The following SH3BGRL2 variants were observed in gnomAD, a reference collection of about 807,000 sequenced individuals.
SH3BGRL2 encodes the protein SH3 domain-binding glutamic acid-rich-like protein 2.
In SH3BGRL2, 21 loss-of-function variants were observed where a neutral mutation model predicts 14.8. That is an observed-to-expected ratio of 1.42 (90% CI 1.01 to 2.05). SH3BGRL2 has a LOEUF of 2.05. Ranked by LOEUF, SH3BGRL2 falls within the 30% of genes most tolerant of loss-of-function variation. The pLI is 0.00. For synonymous variants in SH3BGRL2, 50 were observed against 47.8 expected, an observed-to-expected ratio of 1.05 and a Z score of -0.19; for missense variants, 147 against 130.8, an observed-to-expected ratio of 1.12 and a Z score of -0.61.
At chr6:79,610,133 TTAC>T in the SH3BGRL2 span, among the ~76,000 whole-genome samples, 1 of 152,226 alleles carries the variant, frequency 6.6e-6, no homozygotes, top group Non-Finnish European at 1.5e-5. Flanking sequence ...AGGCACACTA[TTAC>T]TATCCTATTT....
chr6:79,633,844 C>G (rs926331916), intron 1 of SH3BGRL2, among the ~76,000 whole-genome samples: 1 of 152,052 alleles, frequency 6.6e-6, no homozygotes, highest in South Asian at 2.1e-4. Context: ...TTCTAAGAAC[C>G]AGTGAGGATA....
chr6:79,563,301 C>CG, the SH3BGRL2 span, among the ~76,000 whole-genome samples: 3 of 151,096 alleles, frequency 2.0e-5, no homozygotes, highest in Non-Finnish European at 4.4e-5. Context: ...TTAATAGAGA[C>CG]GGGGTTTCAC....
At chr6:79,662,712 G>C (rs1273997714) in intron 1 of SH3BGRL2, among the ~76,000 whole-genome samples, 2 of 152,140 alleles carry the variant, frequency 1.3e-5, no homozygotes, top group Admixed American at 6.5e-5. Flanking sequence ...GGTTGGGGAA[G>C]TTCTCCTGGA....
At chr6:79,602,331 A>G in the SH3BGRL2 span, among the ~76,000 whole-genome samples, 1 of 152,220 alleles carries the variant, frequency 6.6e-6, no homozygotes, top group Non-Finnish European at 1.5e-5. Context: ...GAAAATAACC[A>G]GGGTCCAGGA....
At chr6:79,623,931 C>T in the SH3BGRL2 span, among the ~76,000 whole-genome samples, 3 of 152,152 alleles carry the variant, frequency 2.0e-5, no homozygotes, top group Admixed American at 6.6e-5. Flanking sequence ...TATACTTCCT[C>T]TATTGCAATT....
the SH3BGRL2 span, among the ~76,000 whole-genome samples, chr6:79,600,167 T>A: frequency 1.3e-5 from 2 of 152,232 alleles, no homozygotes; most frequent in Non-Finnish European, 2.9e-5. Flanking sequence ...CTAGCAAGTC[T>A]TTGTTTCTTT....
the SH3BGRL2 span, among the ~76,000 whole-genome samples, chr6:79,579,707 A>G: frequency 6.6e-6 from 1 of 152,224 alleles, no homozygotes; most frequent in African/African-American, 2.4e-5. Context: ...GCCAAATTGT[A>G]AAGACCATCG....
chr6:79,566,968 C>T, the SH3BGRL2 span, among the ~76,000 whole-genome samples: 1 of 151,106 alleles, frequency 6.6e-6, no homozygotes, highest in African/African-American at 2.4e-5. Context: ...TTATTAGAAA[C>T]TTAAATTCTC....
the SH3BGRL2 span, among the ~76,000 whole-genome samples, chr6:79,589,802 T>A: frequency 6.6e-6 from 1 of 152,178 alleles, no homozygotes; most frequent in African/African-American, 2.4e-5. Context: ...TGGGACAGGG[T>A]CTTGCTCTGT....
chr6:79,617,748 A>G, the SH3BGRL2 span, among the ~76,000 whole-genome samples: 121 of 152,332 alleles, frequency 7.9e-4, no homozygotes, highest in African/African-American at 2.5e-3. Context: ...TGGAAGTTCA[A>G]TCTAGAGGCT....
the SH3BGRL2 span, among the ~76,000 whole-genome samples, chr6:79,540,410 G>GCAACA: frequency 3.3e-5 from 5 of 151,970 alleles, no homozygotes; most frequent in African/African-American, 1.2e-4. Flanking sequence ...ACTCCAGCCT[G>GCAACA]GGCAACAGAG....
At chr6:79,556,741 A>G in the SH3BGRL2 span, among the ~76,000 whole-genome samples, 2 of 152,000 alleles carry the variant, frequency 1.3e-5, no homozygotes, top group Non-Finnish European at 2.9e-5. Context: ...AGATATCCTG[A>G]GTAGTAATGT....
chr6:79,693,007 T>C (rs1273788603), intron 2 of SH3BGRL2, among the ~76,000 whole-genome samples: 1 of 152,156 alleles, frequency 6.6e-6, no homozygotes, highest in Non-Finnish European at 1.5e-5. Context: ...TGTTCTTCCA[T>C]TTGTTTGTAT....
At chr6:79,556,840 A>G in the SH3BGRL2 span, among the ~76,000 whole-genome samples, 1 of 151,910 alleles carries the variant, frequency 6.6e-6, no homozygotes, top group African/African-American at 2.4e-5. Flanking sequence ...TGTATATGAC[A>G]TCTTTTAAAA....
chr6:79,616,900 A>C, the SH3BGRL2 span, among the ~76,000 whole-genome samples: 1 of 152,134 alleles, frequency 6.6e-6, no homozygotes, highest in African/African-American at 2.4e-5. Context: ...TTATGAAAAA[A>C]ATCAGGGCTG....
At chr6:79,692,489 G>C (rs1770241280) in intron 2 of SH3BGRL2, among the ~76,000 whole-genome samples, 1 of 152,164 alleles carries the variant, frequency 6.6e-6, no homozygotes, top group Non-Finnish European at 1.5e-5. Flanking sequence ...TATGGTTCTA[G>C]GTCTAACATT....
chr6:79,579,101 G>GA, the SH3BGRL2 span, among the ~76,000 whole-genome samples: 1 of 152,162 alleles, frequency 6.6e-6, no homozygotes, highest in Non-Finnish European at 1.5e-5. Flanking sequence ...CAAGGTTAGA[G>GA]AAAAAAGAGT....
chr6:79,649,930 G>A (rs1480331319), intron 1 of SH3BGRL2, among the ~76,000 whole-genome samples: 1 of 147,678 alleles, frequency 6.8e-6, no homozygotes, highest in African/African-American at 2.5e-5. Flanking sequence ...CTTTTTAAAG[G>A]GTTTTGTTTT....
At chr6:79,584,295 T>C in the SH3BGRL2 span, among the ~76,000 whole-genome samples, 3 of 152,314 alleles carry the variant, frequency 2.0e-5, no homozygotes, top group Non-Finnish European at 2.9e-5. Flanking sequence ...ATATCTGTTG[T>C]TCAAGGAATG....
Sources: gnomAD v4.1 joint callset for allele counts (sites outside exome capture counted in the v4.1 genomes callset) on GRCh38, gnomAD v4.1.1 for gene constraint, MANE v1.5 for transcripts, NCBI Gene and HGNC (gene_info 2026-07-23, HGNC 2026-07-21) for gene names.